The following COBLL1 variants were observed in gnomAD, a reference collection of about 807,000 sequenced individuals.
COBLL1 encodes the protein cordon-bleu WH2 repeat protein like 1.
Under a neutral mutation model 94.8 loss-of-function variants are expected in COBLL1, and 50 were observed. The ratio of observed to expected loss-of-function variants is 0.53; its 90% CI spans 0.42 to 0.67. The LOEUF is 0.67. COBLL1 is among the 30% of genes least tolerant of loss of function. The pLI is 0.00. For missense variants in COBLL1, 1,362 were observed against 1,348.7 expected (o/e 1.01, Z -0.15); for synonymous variants, 448 against 473.8 (o/e 0.95, Z 0.71).
intron 3 of COBLL1, chr2:164,743,388 T>C (rs1686695636): frequency 4.4e-6 from 1 of 226,086 alleles, no homozygotes; most frequent in South Asian, 8.1e-5. Context: ...ATATAACTAA[T>C]GGCCATTCCT....
chr2:164,742,636 T>G (rs1686658641), intron 3 of COBLL1, among the ~76,000 whole-genome samples: 1 of 152,130 alleles, frequency 6.6e-6, no homozygotes, highest in Non-Finnish European at 1.5e-5. Context: ...AAAATGCAAC[T>G]TCCTCAAATT....
At chr2:164,718,518 T>C (rs1685290807) in intron 7 of COBLL1, among the ~76,000 whole-genome samples, 1 of 152,198 alleles carries the variant, frequency 6.6e-6, no homozygotes, top group Non-Finnish European at 1.5e-5. Flanking sequence ...GGTTTTAATA[T>C]GCATACATTA....
intron 2 of COBLL1, among the ~76,000 whole-genome samples, chr2:164,809,453 A>C (rs1276189035): frequency 2.0e-5 from 3 of 152,002 alleles, no homozygotes. Flanking sequence ...AACACAAAAA[A>C]TATTTGGGGG....
chr2:164,828,494 A>T (rs1307654480), intron 2 of COBLL1, among the ~76,000 whole-genome samples: 3 of 152,214 alleles, frequency 2.0e-5, no homozygotes, highest in Admixed American at 6.5e-5. Flanking sequence ...GAAAAAAAAT[A>T]AAGCTCTTTA....
At chr2:164,765,244 T>C (rs1687873636) in intron 2 of COBLL1, among the ~76,000 whole-genome samples, 3 of 152,176 alleles carry the variant, frequency 2.0e-5, no homozygotes, top group Admixed American at 6.5e-5. Context: ...AGTACTCTTA[T>C]CTAATACATT....
rs141900576 is a variant in COBLL1 at position 164,700,559 on chromosome 2, T to C, written c.1423A>G (p.Met475Val). 4,808 of 1,613,748 alleles carry C rather than the reference T, an allele frequency of 3.0e-3. 13 individuals carry two copies. Among genetic ancestry groups the C allele is most frequent in the South Asian group, 3.3e-3 (299 of 91,060 alleles). ...NGSGEFSQNSMEEKQETKSTD... is the reference protein window; with the variant it reads ...NGSGEFSQNSVEEKQETKSTD... ...CTTTTAGTTTCTTGTTTTTCTTCCA[T>C]GGAGTTTTGTGAGAACTCTCCACTA... The change falls in exon 10 of 14, where the codon ATG becomes GTG. Residue 475 changes from methionine to valine, a missense_variant. Transcript: ENST00000652658.
At position 164,727,531 on chromosome 2, in the gene COBLL1, G is replaced by A. The variant is rs559476302; in HGVS notation, c.661+438C>T. Among the ~76,000 whole-genome samples the A allele has an allele frequency of 3.3e-5, 5 of 151,920 alleles. No individual in the cohort carries two copies. In the East Asian group the frequency reaches 5.8e-4, roughly 18 times the overall value. On this transcript the variant is annotated intron_variant, in intron 5 of 13. Coordinates refer to ENST00000652658, the MANE Select transcript of COBLL1 (RefSeq NM_001365672.2). ...TGGTGTTGACCTTAGGAAAAATTTG[G>A]CAAGAAACTTCCAAACTTGAATGAT...
intron 2 of COBLL1, among the ~76,000 whole-genome samples, chr2:164,825,627 A>G (rs1293283101): frequency 2.0e-5 from 3 of 152,198 alleles, no homozygotes; most frequent in African/African-American, 7.2e-5. Flanking sequence ...AATACAAATC[A>G]ATAAATCCAT....
At position 164,788,515 on chromosome 2, in the gene COBLL1, C is replaced by G. The variant is rs186680580; in HGVS notation, c.42-44640G>C. On this transcript the variant is annotated intron_variant, in intron 2 of 13. Coordinates refer to ENST00000652658, the MANE Select transcript of COBLL1 (RefSeq NM_001365672.2). ...ACTTTCTCCCTCTAGAAACACCTAT[C>G]AGCTGGACAACAGAAATAGGAGATA... 2.6e-5 allele frequency among the ~76,000 whole-genome samples: 4 copies of G among 152,272 alleles called. No individual in the cohort carries two copies. The East Asian group carries it at 7.7e-4, about 29-fold the overall frequency.
intron 2 of COBLL1, among the ~76,000 whole-genome samples, chr2:164,749,240 T>C (rs765411670): frequency 1.8e-4 from 28 of 152,198 alleles, no homozygotes; most frequent in Non-Finnish European, 3.4e-4. Flanking sequence ...CAGTTTGCTG[T>C]ATTTATCATA....
intron 2 of COBLL1, among the ~76,000 whole-genome samples, chr2:164,784,597 G>A (rs1688862340): frequency 6.6e-6 from 1 of 151,974 alleles, no homozygotes; most frequent in Admixed American, 6.6e-5. Flanking sequence ...ATTTCCCTAA[G>A]AAGGCATCCT....
In COBLL1 at chr2:164,805,330, T is replaced by TATATATAA. The variant is rs1684058551; in HGVS notation, c.41+35825_41+35826insTTATATAT. On this transcript the variant is annotated intron_variant, in intron 2 of 13. Transcript: ENST00000652658. ...CTCTCTCTCTCTCTCTCTCTCTCTC[T>TATATATAA]CTCTCTCTATATATATATATATATA... Among the ~76,000 whole-genome samples the TATATATAA allele has an allele frequency of 6.3e-5, 3 of 47,318 alleles. 1 individual carries two copies. The highest frequency in any genetic ancestry group is 1.4e-4 in the Non-Finnish European group (3 of 21,804). 31.0% of individuals were successfully genotyped at this position (47,318 alleles called of 152,430 possible).
At chr2:164,760,667 G>A (rs1009603566) in intron 2 of COBLL1, among the ~76,000 whole-genome samples, 4 of 151,994 alleles carry the variant, frequency 2.6e-5, no homozygotes, top group Non-Finnish European at 4.4e-5. Context: ...TATTATTGGG[G>A]GAAAGCTAGA....
At position 164,694,474 on chromosome 2, in the gene COBLL1, G is replaced by C. The variant is rs549513562; in HGVS notation, c.2918C>G (p.Thr973Ser). ...VSTQNLKTLKTFGAPRPYSSS... is the reference protein window; with the variant it reads ...VSTQNLKTLKSFGAPRPYSSS... ...TGAGTATGGTCGTGGGGCACCAAAA[G>C]TTTTCAAAGTCTTCAGATTTTGTGT... The change falls in exon 12 of 14, where the codon ACT becomes AGT. Residue 973 changes from threonine (T) to serine (S), a missense_variant. By Grantham distance (58) the Thr-to-Ser change is moderately conservative. Transcript: ENST00000652658. 6.2e-7 allele frequency: 1 copy of C among 1,613,844 alleles called. No individual in the cohort carries two copies. Among genetic ancestry groups the C allele is most frequent in the South Asian group, 1.1e-5 (1 of 91,088 alleles).
At chr2:164,747,181 G>A (rs902185530) in intron 2 of COBLL1, among the ~76,000 whole-genome samples, 3 of 151,648 alleles carry the variant, frequency 2.0e-5, no homozygotes, top group African/African-American at 7.3e-5. Flanking sequence ...AGGATTACTT[G>A]TCTGGGATTT....
At chr2:164,786,130 TAAGAATA>T (rs1688945177) in intron 2 of COBLL1, among the ~76,000 whole-genome samples, 2 of 152,174 alleles carry the variant, frequency 1.3e-5, no homozygotes, top group South Asian at 4.1e-4. Context: ...AGAAATGAAT[TAAGAATA>T]TTTTCATACG....
chr2:164,704,515 A>G lies in COBLL1; in HGVS notation c.1154T>C (p.Leu385Ser). ...TGGAGGAACTCCATCTACTGGCTGT[A>G]AGGCTAAAGGAAAGAAGCAACACAA... ...QSDENSRVTA[L>S]QPVDGVPPDS... Residue 385 changes from leucine to serine, a missense_variant, in exon 9 of 14, where the codon TTA (leucine) becomes TCA (serine). Physicochemically the swap from Leu to Ser is moderately radical, Grantham distance 145 (BLOSUM62 -2). Coordinates refer to ENST00000652658, the MANE Select transcript of COBLL1 (RefSeq NM_001365672.2). The G allele has an allele frequency of 6.2e-7, 1 of 1,611,546 alleles. No individual in the cohort carries two copies. Among genetic ancestry groups the G allele is most frequent in the Non-Finnish European group, 8.5e-7 (1 of 1,177,680 alleles).
chr2:164,747,978 G>A (rs1242539488), intron 2 of COBLL1, among the ~76,000 whole-genome samples: 4 of 152,102 alleles, frequency 2.6e-5, no homozygotes, highest in African/African-American at 9.7e-5. Flanking sequence ...TCATCAAACA[G>A]ATGGCAACTT....
At chr2:164,706,295 T>C (rs573190843) in intron 7 of COBLL1, among the ~76,000 whole-genome samples, 8 of 152,260 alleles carry the variant, frequency 5.3e-5, no homozygotes, top group African/African-American at 1.7e-4. Context: ...CCACATTTCT[T>C]ACTCTCTATA....
Sources: allele counts gnomAD v4.1 joint callset (sites outside exome capture counted in the v4.1 genomes callset), GRCh38; gene constraint gnomAD v4.1.1; transcripts MANE v1.5; gene names NCBI Gene and HGNC (gene_info 2026-07-23, HGNC 2026-07-21).